FYN: variants seen among roughly 807,000 people sequenced by gnomAD.
The protein encoded by FYN is FYN proto-oncogene, Src family tyrosine kinase, also known as tyrosine-protein kinase Fyn.
Under a neutral mutation model 70.2 loss-of-function variants are expected in FYN, and 10 were observed. The ratio of observed to expected loss-of-function variants is 0.14; its 90% CI spans 0.09 to 0.24. The LOEUF (loss-of-function observed/expected upper bound fraction) is 0.24, where lower values mean the gene tolerates loss of function less well. FYN is among the 10% of genes least tolerant of loss of function. The pLI, the probability that FYN is intolerant of heterozygous loss-of-function variation, is 1.00. For missense variants in FYN, 319 were observed against 673.1 expected (o/e 0.47, Z 5.82); for synonymous variants, 236 against 248.6 (o/e 0.95, Z 0.48).
chr6:111,819,109 A>G (rs1207567986), intron 2 of FYN, among the ~76,000 whole-genome samples: 1 of 152,032 alleles, frequency 6.6e-6, no homozygotes, highest in African/African-American at 2.4e-5. Context: ...TTCTCACCCA[A>G]ACTGCCTCTT....
intron 3 of FYN, among the ~76,000 whole-genome samples, chr6:111,770,407 T>C (rs1803400021): frequency 1.3e-5 from 2 of 152,220 alleles, no homozygotes; most frequent in South Asian, 4.1e-4. Context: ...CTTTACTTCT[T>C]CACTTGTTAA....
intron 7 of FYN, 125 bp from the exon 8 acceptor site, chr6:111,703,159 G>T: frequency 1.3e-6 from 1 of 761,874 alleles, no homozygotes; most frequent in Non-Finnish European, 2.1e-6. Flanking sequence ...CACACACACA[G>T]CATCTCCACT....
intron 1 of FYN, among the ~76,000 whole-genome samples, chr6:111,863,022 G>A (rs185632516): frequency 1.0e-3 from 153 of 152,338 alleles, no homozygotes; most frequent in African/African-American, 3.6e-3. Flanking sequence ...GAAGAACGTA[G>A]ATACTACAGA....
At chr6:111,760,511 T>C (rs1424245693) in intron 3 of FYN, among the ~76,000 whole-genome samples, 1 of 152,206 alleles carries the variant, frequency 6.6e-6, no homozygotes, top group Non-Finnish European at 1.5e-5. Flanking sequence ...ATGTGTGTTA[T>C]GCAAAATGGC....
At chr6:111,770,456 G>T (rs1385363998) in intron 3 of FYN, among the ~76,000 whole-genome samples, 1 of 152,148 alleles carries the variant, frequency 6.6e-6, no homozygotes, top group African/African-American at 2.4e-5. Flanking sequence ...GTTCAGATGG[G>T]AAGAAACATT....
chr6:111,858,215 G>A (rs1773873764), intron 1 of FYN: 1 of 152,170 alleles, frequency 6.6e-6, no homozygotes, highest in Non-Finnish European at 1.5e-5. Flanking sequence ...AAACTACAAG[G>A]TGGTTTCCTT....
At chr6:111,801,312 A>G (rs988041390) in intron 2 of FYN, among the ~76,000 whole-genome samples, 1 of 152,222 alleles carries the variant, frequency 6.6e-6, no homozygotes, top group Non-Finnish European at 1.5e-5. Context: ...ACATATTCCA[A>G]GGTAAACCAT....
chr6:111,817,075 C>G (rs1199990854), intron 2 of FYN, among the ~76,000 whole-genome samples: 1 of 147,810 alleles, frequency 6.8e-6, no homozygotes, highest in Non-Finnish European at 1.5e-5. Context: ...TATTCAACAA[C>G]ATAGAAAGGA....
At chr6:111,804,811 T>C (rs895186488) in intron 2 of FYN, among the ~76,000 whole-genome samples, 1 of 152,178 alleles carries the variant, frequency 6.6e-6, no homozygotes, top group Admixed American at 6.5e-5. Flanking sequence ...GTCAGCACCA[T>C]GTAATATAAT....
At chr6:111,705,771 C>T (rs776859706) in intron 6 of FYN, among the ~76,000 whole-genome samples, 17 of 152,104 alleles carry the variant, frequency 1.1e-4, no homozygotes, top group Non-Finnish European at 2.9e-5. Context: ...ATTGCTTGAA[C>T]CAGGGATGTG....
intron 3 of FYN, among the ~76,000 whole-genome samples, chr6:111,774,611 G>A (rs1803633199): frequency 6.6e-6 from 1 of 151,378 alleles, no homozygotes; most frequent in African/African-American, 2.4e-5. Context: ...TTAGACATCA[G>A]CTAAATTATC....
At chr6:111,768,318 T>C (rs1430081289) in intron 3 of FYN, among the ~76,000 whole-genome samples, 2 of 152,184 alleles carry the variant, frequency 1.3e-5, no homozygotes. Context: ...GTTTACTGAG[T>C]GAATGAATGA....
At chr6:111,752,551 G>A (rs1802535793) in intron 3 of FYN, among the ~76,000 whole-genome samples, 1 of 152,194 alleles carries the variant, frequency 6.6e-6, no homozygotes, top group Admixed American at 6.5e-5. Flanking sequence ...AGACATTCCT[G>A]GCCACAGGAA....
At chr6:111,770,115 G>A (rs1803388829) in intron 3 of FYN, among the ~76,000 whole-genome samples, 1 of 152,132 alleles carries the variant, frequency 6.6e-6, no homozygotes, top group Non-Finnish European at 1.5e-5. Flanking sequence ...ACCATAGCCA[G>A]TAGCCACACT....
Position 111,714,404 on chromosome 6 carries a change from C to T in FYN, c.287G>A (p.Arg96Gln), listed in dbSNP as rs764943142. 6.2e-7 allele frequency: 1 copy of T among 1,614,122 alleles called. No homozygotes were observed. Among genetic ancestry groups the T allele is most frequent in the Non-Finnish European group, 8.5e-7 (1 of 1,179,994 alleles). Residue 96 changes from arginine (R) to glutamine (Q), a missense_variant, in exon 5 of 14, where the codon CGG (arginine) becomes CAG (glutamine). Coordinates refer to ENST00000354650, the MANE Select transcript of FYN (RefSeq NM_002037.5). ...GTGAAAACTCAGGTCATCTTCTGTCCGTGCTTCATAGTCATAAAGGGCCAC... is the reference window on the plus strand; with the variant it reads ...GTGAAAACTCAGGTCATCTTCTGTCTGTGCTTCATAGTCATAAAGGGCCAC... ...LFVALYDYEA[R>Q]TEDDLSFHKG...
rs375127464 is a variant in FYN at position 111,692,109 on chromosome 6, C to T, written c.1273+2266G>A. On this transcript the variant is annotated intron_variant, in intron 12 of 13. Transcript: ENST00000354650. ...CCTTGCCAAGCTTCATTTCCCCCCC[C>T]CCCAGTTCAGCTCTCCAGTTCACTT... Among the ~76,000 whole-genome samples the T allele has an allele frequency of 2.7e-4, 39 of 144,224 alleles. 1 individual carries two copies. The highest frequency in any genetic ancestry group is 6.7e-4 in the African/African-American group (27 of 40,214). 94.6% of individuals were successfully genotyped at this position (144,224 alleles called of 152,430 possible).
rs2070395078 is a variant in FYN at position 111,873,003 on chromosome 6, G to T, written c.-158C>A. On this transcript the variant is annotated 5_prime_UTR_variant, in exon 1 of 14. Transcript: ENST00000354650. The stretch of plus-strand genomic sequence containing the variant: ...CTGAGGCTCCGGAGCCCACTCACAT[G>T]GTCCTCTCCCCGCCCTCCTCCGGCG... 1 of 149,394 alleles carries T rather than the reference G, an allele frequency of 6.7e-6. No homozygotes were observed. Among genetic ancestry groups the T allele is most frequent in the South Asian group, 2.1e-4 (1 of 4,794 alleles). 9.3% of individuals were successfully genotyped at this position (149,394 alleles called of 1,614,324 possible).
chr6:111,751,775 C>A (rs1223122872), intron 3 of FYN, among the ~76,000 whole-genome samples: 1 of 152,056 alleles, frequency 6.6e-6, no homozygotes. Context: ...TGTGCACCAC[C>A]ACATGTAAAT....
intron 3 of FYN, among the ~76,000 whole-genome samples, chr6:111,731,959 G>A (rs1426114534): frequency 6.6e-6 from 1 of 152,184 alleles, no homozygotes; most frequent in Non-Finnish European, 1.5e-5. Context: ...GGAAATTAAA[G>A]GAGGAACATC....
Sources: gnomAD v4.1 joint callset for allele counts (sites outside exome capture counted in the v4.1 genomes callset) on GRCh38, gnomAD v4.1.1 for gene constraint, MANE v1.5 for transcripts, NCBI Gene and HGNC (gene_info 2026-07-23, HGNC 2026-07-21) for gene names.